Variants in IMPACT observed in about 807,000 individuals in gnomAD.
IMPACT encodes the protein protein IMPACT.
In IMPACT, 35 loss-of-function variants were observed where a neutral mutation model predicts 47.5. The ratio of observed to expected loss-of-function variants is 0.74; its 90% CI spans 0.56 to 0.98. IMPACT has a LOEUF of 0.98. Among genes scored for constraint, IMPACT ranks in the 50% least tolerant of loss-of-function variants. The pLI is 0.00. For synonymous variants in IMPACT, 118 were observed against 125.6 expected, an observed-to-expected ratio of 0.94 and a Z score of 0.40; for missense variants, 373 against 394.8, an observed-to-expected ratio of 0.94 and a Z score of 0.47.
At chr18:24,439,746 A>G (rs1599764871) in intron 5 of IMPACT, 1 of 151,804 alleles carries the variant, frequency 6.6e-6, no homozygotes, top group Non-Finnish European at 1.5e-5. Context: ...TGGGAGGCGG[A>G]GGTTGCAGCG....
Position 24,450,835 on chromosome 18 carries a change from G to A in IMPACT, c.951G>A (p.Arg317=), listed in dbSNP as rs1909366462. The part of the protein sequence containing the change: ...KNKKVRKDKK[R]NEH ...AAAAAGTAAGAAAAGACAAGAAGAGGAATGAACATTAATACCTGAAACTAT... is the reference window on the plus strand; with the variant it reads ...AAAAAGTAAGAAAAGACAAGAAGAGAAATGAACATTAATACCTGAAACTAT... Residue 317 remains arginine (R), a synonymous_variant, in exon 11 of 11, where the codon AGG becomes AGA. Coordinates refer to ENST00000284202, the MANE Select transcript of IMPACT (RefSeq NM_018439.4). 1 of 1,597,408 alleles carries A rather than the reference G, an allele frequency of 6.3e-7. No homozygotes were observed. The highest frequency in any genetic ancestry group is 1.7e-5 in the Admixed American group (1 of 59,750).
rs187812789 is a variant in IMPACT, at chr18:24,439,741, G to A, written c.368-755G>A. On this transcript the variant is annotated intron_variant, in intron 5 of 10. Transcript: ENST00000284202. ...GCAGGAGAATCACTTGAACCTGGGA[G>A]GCGGAGGTTGCAGCGAGCTGAGATG... The A allele has an allele frequency of 2.5e-3, 381 of 152,840 alleles. 4 individuals are homozygous for A. The highest frequency in any genetic ancestry group is 0.01 in the Middle Eastern group (3 of 298). The allele number at this position is 152,840 out of a possible 1,614,324, so 9.5% of individuals were successfully genotyped here. A position where few individuals can be genotyped will look rare whatever the true frequency, so the allele number is the denominator to read the frequency against.
chr18:24,440,956 T>A (rs1320446233), intron 6 of IMPACT, among the ~76,000 whole-genome samples: 1 of 152,264 alleles, frequency 6.6e-6, no homozygotes, highest in Non-Finnish European at 1.5e-5. Context: ...TGTTTCCTGA[T>A]GTTTCAGGAT....
chr18:24,427,674 A>G (rs1908648043), intron 1 of IMPACT: 1 of 456,626 alleles, frequency 2.2e-6, no homozygotes, highest in Non-Finnish European at 3.8e-6. Flanking sequence ...ATTTTGACTC[A>G]ATAGTGGCCA....
intron 6 of IMPACT, 61 bp downstream of exon 6, chr18:24,440,679 C>A: frequency 8.3e-6 from 11 of 1,331,998 alleles, no homozygotes; most frequent in Non-Finnish European, 1.1e-5. Flanking sequence ...ATGTATTGTT[C>A]TTTGAGATGA....
At chr18:24,426,908 T>C in intron 1 of IMPACT, 116 bp downstream of exon 1, 1 of 681,028 alleles carries the variant, frequency 1.5e-6, no homozygotes, top group Non-Finnish European at 2.1e-6. Flanking sequence ...CCGCCAGCAC[T>C]GGCCACGCCA....
At chr18:24,427,143 C>G (rs1192820041) in intron 1 of IMPACT, 1 of 253,440 alleles carries the variant, frequency 3.9e-6, no homozygotes, top group African/African-American at 2.2e-5. Context: ...TCGGGTTTCC[C>G]CCTTTGCAAA....
intron 1 of IMPACT, chr18:24,427,337 C>T (rs996904073): frequency 6.5e-6 from 1 of 153,694 alleles, no homozygotes; most frequent in Non-Finnish European, 1.4e-5. Flanking sequence ...CATCTTTTCC[C>T]TTTAGGTCCT....
At chr18:24,429,213 A>G (rs1050610616) in intron 3 of IMPACT, among the ~76,000 whole-genome samples, 2 of 152,116 alleles carry the variant, frequency 1.3e-5, no homozygotes, top group African/African-American at 4.8e-5. Context: ...TAATCTAGCA[A>G]CCTTGGCCCT....
chr18:24,450,773 T>C lies in IMPACT; in HGVS notation c.895-6T>C, dbSNP rs1909364417. On this transcript the variant is annotated splice_region_variant and splice_polypyrimidine_tract_variant and intron_variant, in intron 10 of 10. Coordinates refer to ENST00000284202, the MANE Select transcript of IMPACT (RefSeq NM_018439.4). ...GAGATGCTGCACTGATTTGTGTCTT[T>C]TTCAGGAGGAGTCATCTAAGGCTTT... is the stretch of plus-strand genomic sequence containing the variant. 1.9e-6 allele frequency: 3 copies of C among 1,602,630 alleles called. No homozygotes were observed.
chr18:24,433,184 C>CT (rs35543338), intron 4 of IMPACT, among the ~76,000 whole-genome samples: 55,952 of 81,074 alleles, frequency 0.69, 23,728 homozygotes, highest in Non-Finnish European at 0.82. Flanking sequence ...ACTTTTAAAA[C>CT]TTTTTTTTTT....
At chr18:24,439,014 G>A (rs1161918585) in intron 5 of IMPACT, among the ~76,000 whole-genome samples, 1 of 152,110 alleles carries the variant, frequency 6.6e-6, no homozygotes, top group African/African-American at 2.4e-5. Context: ...TGGCAGGCTG[G>A]GGACCCAGGG....
At chr18:24,449,692 C>G (rs1452157675) in intron 9 of IMPACT, 127 bp from the exon 10 acceptor site, 1 of 754,586 alleles carries the variant, frequency 1.3e-6, no homozygotes, top group Non-Finnish European at 2.2e-6. Flanking sequence ...TCATATGGCT[C>G]TACCATTAAA....
rs575858322 is a variant in IMPACT, at chr18:24,431,347, C to T, written c.281+963C>T. On this transcript the variant is annotated intron_variant, in intron 4 of 10. Transcript: ENST00000284202. Reference sequence around the variant, plus strand: ...TACAGGAAACAGTAATGGTGATATGCAGTGGTAAGAGACAGGATGAGATGG... The same window carrying T: ...TACAGGAAACAGTAATGGTGATATGTAGTGGTAAGAGACAGGATGAGATGG... Among the ~76,000 whole-genome samples, 18 of 151,872 alleles carry T rather than the reference C, an allele frequency of 1.2e-4. No individual in the cohort carries two copies. The East Asian group carries it at 3.3e-3, about 28-fold the overall frequency.
intron 3 of IMPACT, among the ~76,000 whole-genome samples, chr18:24,429,868 C>T (rs757356192): frequency 9.2e-5 from 14 of 151,812 alleles, no homozygotes; most frequent in Non-Finnish European, 1.9e-4. Context: ...AGCTCCGCCT[C>T]CCGGGTTCAC....
rs188540459 is a variant in IMPACT at position 24,440,373 on chromosome 18, G to A, written c.368-123G>A. 20 of 935,730 alleles carry A rather than the reference G, an allele frequency of 2.1e-5. No individual in the cohort carries two copies. The Admixed American group carries it at 3.7e-4, about 17-fold the overall frequency. 58.0% of individuals were successfully genotyped at this position (935,730 alleles called of 1,614,324 possible). On this transcript the variant is annotated intron_variant, in intron 5 of 10. Coordinates refer to ENST00000284202, the MANE Select transcript of IMPACT (RefSeq NM_018439.4). ...CTCAGGAATCAACCAGTTCTCCTAC[G>A]GGCTGAGTGCTGGTTCCTTTCGTTG...
rs1048260547 is a variant in IMPACT, at chr18:24,453,173, A to G, written c.*2326A>G. On this transcript the variant is annotated 3_prime_UTR_variant, in exon 11 of 11. Coordinates refer to ENST00000284202, the MANE Select transcript of IMPACT (RefSeq NM_018439.4). Reference sequence around the variant, plus strand: ...AGATGGGAATTGCAGAAGCTGCATCAAAAGTATGCTTTGAGGTATATATAG... The same window carrying G: ...AGATGGGAATTGCAGAAGCTGCATCGAAAGTATGCTTTGAGGTATATATAG... 8.5e-5 allele frequency: 13 copies of G among 152,244 alleles called. No homozygotes were observed. The East Asian group carries it at 1.3e-3, about 16-fold the overall frequency. 9.4% of individuals were successfully genotyped at this position (152,244 alleles called of 1,614,324 possible). A position where few individuals can be genotyped will look rare whatever the true frequency, so the allele number is the denominator to read the frequency against.
chr18:24,438,868 A>G (rs1388339957), intron 5 of IMPACT, among the ~76,000 whole-genome samples: 1 of 152,168 alleles, frequency 6.6e-6, no homozygotes, highest in Non-Finnish European at 1.5e-5. Context: ...GGTTCTCCAG[A>G]GAAACAGAAC....
chr18:24,442,150 CTTTTTTTTTTTT>C (rs397965432), intron 6 of IMPACT, among the ~76,000 whole-genome samples: 2 of 116,478 alleles, frequency 1.7e-5, no homozygotes, highest in Admixed American at 1.7e-4. Context: ...ATTAGTGATT[CTTTTTTTTTTTT>C]TTTTTTTTGG....
Sources: gnomAD v4.1 joint callset for allele counts (sites outside exome capture counted in the v4.1 genomes callset) on GRCh38, gnomAD v4.1.1 for gene constraint, MANE v1.5 for transcripts, NCBI Gene and HGNC (gene_info 2026-07-23, HGNC 2026-07-21) for gene names.